CCDC18: variants seen among roughly 807,000 people sequenced by gnomAD.
CCDC18 encodes coiled-coil domain containing 18.
Under a neutral mutation model 196.0 loss-of-function variants are expected in CCDC18, and 157 were observed. The ratio of observed to expected loss-of-function variants is 0.80; its 90% CI spans 0.70 to 0.91. The LOEUF (loss-of-function observed/expected upper bound fraction) is 0.91, where lower values mean the gene tolerates loss of function less well. CCDC18 is among the 40% of genes least tolerant of loss of function. CCDC18 has a pLI of 0.00. For missense variants in CCDC18, 1,465 were observed against 1,611.6 expected (o/e 0.91, Z 1.56); for synonymous variants, 482 against 529.2 (o/e 0.91, Z 1.22).
chr1:93,180,611 C>A, upstream of CCDC18: 1 of 1,347,942 alleles, frequency 7.4e-7, no homozygotes, highest in South Asian at 1.2e-5. Context: ...TGGGCTCGGG[C>A]GCGCTCGCCG....
intron 23 of CCDC18, among the ~76,000 whole-genome samples, chr1:93,251,416 C>T (rs1662234730): frequency 6.6e-6 from 1 of 152,080 alleles, no homozygotes; most frequent in Non-Finnish European, 1.5e-5. Context: ...ACATTAGTGG[C>T]GGTTTTTCTT....
intron 23 of CCDC18, among the ~76,000 whole-genome samples, chr1:93,247,498 T>C (rs1010187793): frequency 2.6e-5 from 4 of 152,160 alleles, no homozygotes; most frequent in African/African-American, 9.7e-5. Flanking sequence ...CACTGCCGCC[T>C]CAACATCCCA....
Position 93,256,381 on chromosome 1 carries a change from C to T in CCDC18, c.3389C>T (p.Ala1130Val). Residue 1130 changes from alanine (A) to valine (V), a missense_variant, in exon 25 of 29, where the codon GCC (alanine) becomes GTC (valine). Ala to Val is a moderately conservative substitution (Grantham distance 64, BLOSUM62 0). Coordinates refer to ENST00000690025, the MANE Select transcript of CCDC18 (RefSeq NM_001378204.1). ...TACATTGCCACTCAGTACAAGGAGGCCATAGATTTGGGGCAAGAATTGAGG... is the reference window on the plus strand; with the variant it reads ...TACATTGCCACTCAGTACAAGGAGGTCATAGATTTGGGGCAAGAATTGAGG... ...EQYIATQYKE[A>V]IDLGQELRLT... The T allele has an allele frequency of 6.2e-7, 1 of 1,613,986 alleles. No homozygotes were observed.
chr1:93,256,183 GATACTCATTGTATGTTAAATTTTAAC>G lies in CCDC18; in HGVS notation c.3343-132_3343-107del, dbSNP rs542713932. On this transcript the variant is annotated intron_variant, in intron 24 of 28. Coordinates refer to ENST00000690025, the MANE Select transcript of CCDC18 (RefSeq NM_001378204.1). ...CTTGAATATCAGTTTCACAGTGGGT[GATACTCATTGTATGTTAAATTTTAAC>G]ATACTCATTGTATGTTAAAGGATTT... The G allele has an allele frequency of 2.8e-3, 1,835 of 647,556 alleles. 23 individuals are homozygous for G. The East Asian group carries it at 0.039, about 14-fold the overall frequency. The allele number at this position is 647,556 out of a possible 1,614,324, so 40.1% of individuals were successfully genotyped here.
At chr1:93,255,270 A>T (rs1264017598) in intron 24 of CCDC18, among the ~76,000 whole-genome samples, 3 of 152,108 alleles carry the variant, frequency 2.0e-5, no homozygotes, top group African/African-American at 4.8e-5. Context: ...GCTATTAATA[A>T]GATACAGTGT....
chr1:93,206,391 C>T (rs1418756091), intron 8 of CCDC18, among the ~76,000 whole-genome samples: 1 of 152,086 alleles, frequency 6.6e-6, no homozygotes, highest in Non-Finnish European at 1.5e-5. Context: ...AATCCTTTAT[C>T]ACTTAAAATT....
At chr1:93,210,714 TAC>T (rs1345328850) in intron 9 of CCDC18, 86 bp from the exon 10 acceptor site, 2 of 898,210 alleles carry the variant, frequency 2.2e-6, no homozygotes, top group African/African-American at 3.3e-5. Flanking sequence ...ATTAAATTCA[TAC>T]AGTTTTTAAA....
In CCDC18 at chr1:93,226,338, G is replaced by A; in HGVS notation, c.2181G>A (p.Arg727=). ...TTGCTTTTTTTCCTGCTTAGGTTAG[G>A]CAACTAGATTCAGCATTGGAAATTT... ...NQVSEETIKV[R]QLDSALEICK... Residue 727 remains arginine (R), a synonymous_variant, in exon 17 of 29, where the codon AGG becomes AGA. Coordinates refer to ENST00000690025, the MANE Select transcript of CCDC18 (RefSeq NM_001378204.1). 1 of 1,440,508 alleles carries A rather than the reference G, an allele frequency of 6.9e-7. No individual in the cohort carries two copies. The highest frequency in any genetic ancestry group is 1.2e-5 in the South Asian group (1 of 80,054). The allele number at this position is 1,440,508 out of a possible 1,614,324, so 89.2% of individuals were successfully genotyped here. A position where few individuals can be genotyped will look rare whatever the true frequency, so the allele number is the denominator to read the frequency against.
intron 18 of CCDC18, among the ~76,000 whole-genome samples, chr1:93,234,343 G>A (rs1444384017): frequency 6.6e-6 from 1 of 151,840 alleles, no homozygotes; most frequent in East Asian, 1.9e-4. Context: ...TGTTTTTTTA[G>A]TAGAGGCGGG....
intron 11 of CCDC18, among the ~76,000 whole-genome samples, chr1:93,212,982 G>C (rs528906219): frequency 9.2e-5 from 14 of 152,222 alleles, no homozygotes; most frequent in African/African-American, 3.4e-4. Flanking sequence ...CAGATCATCA[G>C]GCATTAGATT....
chr1:93,246,279 A>T (rs1661485335), intron 22 of CCDC18, 75 bp downstream of exon 22: 2 of 1,001,260 alleles, frequency 2.0e-6, no homozygotes, highest in African/African-American at 1.7e-5. Flanking sequence ...GAGGTCACCA[A>T]TTTTTTGTAA....
chr1:93,260,705 G>GT (rs1341916727), intron 26 of CCDC18, among the ~76,000 whole-genome samples: 3 of 151,740 alleles, frequency 2.0e-5, no homozygotes, highest in Non-Finnish European at 4.4e-5. Flanking sequence ...TGCCATGGTG[G>GT]TTTGCTGTAC....
chr1:93,214,155 G>T (rs1388564988), intron 11 of CCDC18, among the ~76,000 whole-genome samples: 1 of 152,104 alleles, frequency 6.6e-6, no homozygotes, highest in Non-Finnish European at 1.5e-5. Context: ...CTTGAATTGG[G>T]CTCAAGTGAT....
rs916987627 is a variant in CCDC18 at position 93,277,654 on chromosome 1, G to T, written c.4354-809G>T. Among the ~76,000 whole-genome samples, 2 of 151,086 alleles carry T rather than the reference G, an allele frequency of 1.3e-5. 1 individual carries two copies. Among genetic ancestry groups the T allele is most frequent in the African/African-American group, 4.9e-5 (2 of 40,860 alleles). Reference sequence around the variant, plus strand: ...AGATTAACAGAATCTCAAGGCAGAAGAATTTTTCTTAGTACATAACAAAAT... The same window carrying T: ...AGATTAACAGAATCTCAAGGCAGAATAATTTTTCTTAGTACATAACAAAAT... On this transcript the variant is annotated intron_variant, in intron 28 of 28. Transcript: ENST00000690025.
intron 25 of CCDC18, among the ~76,000 whole-genome samples, chr1:93,256,885 G>A (rs985617410): frequency 1.3e-5 from 2 of 151,972 alleles, no homozygotes; most frequent in Non-Finnish European, 2.9e-5. Flanking sequence ...AAAAAATAAA[G>A]CTAATCTTTT....
chr1:93,259,113 C>A (rs1663434713), intron 26 of CCDC18, among the ~76,000 whole-genome samples: 1 of 152,164 alleles, frequency 6.6e-6, no homozygotes, highest in African/African-American at 2.4e-5. Context: ...ACGGAGCCAC[C>A]TGTATCACCT....
chr1:93,264,002 G>T (rs923101647), intron 26 of CCDC18, among the ~76,000 whole-genome samples: 5 of 152,088 alleles, frequency 3.3e-5, no homozygotes, highest in African/African-American at 9.7e-5. Flanking sequence ...AAAGAAAAGA[G>T]GTTTAATTGA....
chr1:93,243,603 G>A (rs894352299), intron 21 of CCDC18, among the ~76,000 whole-genome samples: 2 of 152,106 alleles, frequency 1.3e-5, no homozygotes, highest in African/African-American at 4.8e-5. Flanking sequence ...CAGAAAATGG[G>A]ATTTTCTTTT....
chr1:93,186,362 C>G lies in CCDC18; in HGVS notation c.321C>G (p.Ala107=). ...KPRDKMFSSS[A]PVDQEIKSLR... is the part of the protein sequence containing the mutation. ...TCTTTCAGATGTTTTCATCTTCTGCCCCTGTGGATCAGGAGATTAAAAGCC... is the reference window on the plus strand; with the variant it reads ...TCTTTCAGATGTTTTCATCTTCTGCGCCTGTGGATCAGGAGATTAAAAGCC... Residue 107 remains alanine, a synonymous_variant, in exon 4 of 29, where the codon GCC becomes GCG. Transcript: ENST00000690025. 1.2e-6 allele frequency: 2 copies of G among 1,609,996 alleles called. No homozygotes were observed. Among genetic ancestry groups the G allele is most frequent in the African/African-American group, 1.3e-5 (1 of 74,766 alleles).
Sources: gnomAD v4.1 joint callset for allele counts (sites outside exome capture counted in the v4.1 genomes callset) on GRCh38, gnomAD v4.1.1 for gene constraint, MANE v1.5 for transcripts, NCBI Gene and HGNC (gene_info 2026-07-23, HGNC 2026-07-21) for gene names.